POLA2: variants seen among roughly 807,000 people sequenced by gnomAD.
POLA2 encodes DNA polymerase alpha subunit B.
In POLA2, 47 loss-of-function variants were observed where a neutral mutation model predicts 82.8. The observed-to-expected ratio is 0.57, with a 90% confidence interval of 0.45 to 0.72. POLA2 has a LOEUF of 0.72. POLA2 is among the 30% of genes least tolerant of loss of function. The pLI, the probability that POLA2 is intolerant of heterozygous loss-of-function variation, is 0.00. For missense variants in POLA2, 634 were observed against 728.1 expected (o/e 0.87, Z 1.49); for synonymous variants, 287 against 286.8 (o/e 1.00, Z -0.01).
At chr11:65,294,419 G>C (rs1949788205) in intron 14 of POLA2, 127 bp from the exon 15 acceptor site, 13 of 981,482 alleles carry the variant, frequency 1.3e-5, no homozygotes, top group Non-Finnish European at 2.1e-5. Flanking sequence ...GTGTCCAAAA[G>C]CTTGATGTAT....
chr11:65,283,429 T>C, intron 10 of POLA2, among the ~76,000 whole-genome samples: 1 of 152,112 alleles, frequency 6.6e-6, no homozygotes, highest in East Asian at 1.9e-4. Flanking sequence ...TCATAACTTC[T>C]CTACAATTCT....
chr11:65,294,546 C>G lies in POLA2; in HGVS notation c.1354C>G (p.Gln452Glu), dbSNP rs759036403. 1.2e-6 allele frequency: 2 copies of G among 1,607,480 alleles called. No individual in the cohort carries two copies. Among genetic ancestry groups the G allele is most frequent in the Non-Finnish European group, 1.7e-6 (2 of 1,175,188 alleles). Residue 452 changes from glutamine to glutamate, a missense_variant and splice_region_variant, in exon 15 of 18, where the codon CAA becomes GAA. Transcript: ENST00000265465. ...YSDLSREDKK[Q>E]VQFVSEPCSL... ...TTGTTTCAATCCGTTCTCATTTTAG[C>G]AAGTACAGTTTGTGTCCGAGCCCTG...
At chr11:65,292,317 G>T (rs1949763789) in intron 13 of POLA2, among the ~76,000 whole-genome samples, 1 of 152,264 alleles carries the variant, frequency 6.6e-6, no homozygotes. Context: ...TGCGGGAGCA[G>T]CTGGAGGACC....
chr11:65,262,701 C>T (rs1227739761), intron 1 of POLA2, among the ~76,000 whole-genome samples: 6 of 152,204 alleles, frequency 3.9e-5, no homozygotes, highest in African/African-American at 1.4e-4. Context: ...ATTGTTGAAG[C>T]CCCGGTAACA....
intron 1 of POLA2, among the ~76,000 whole-genome samples, chr11:65,265,520 G>T (rs1194158432): frequency 6.6e-6 from 1 of 151,508 alleles, no homozygotes; most frequent in Non-Finnish European, 1.5e-5. Flanking sequence ...TTGCTCTGTT[G>T]CCCAGGCTGG....
At chr11:65,280,453 AC>A (rs1282693804) in intron 7 of POLA2, 1 of 152,820 alleles carries the variant, frequency 6.5e-6, no homozygotes, top group African/African-American at 2.4e-5. Flanking sequence ...CCCAAGCTTC[AC>A]CCACAGTTTG....
At chr11:65,296,092 G>A (rs1474408355) in intron 17 of POLA2, 102 bp downstream of exon 17, 1 of 1,323,256 alleles carries the variant, frequency 7.6e-7, no homozygotes, top group Non-Finnish European at 1.1e-6. Context: ...AGCTGATGGG[G>A]ATGGGGCCTC....
At chr11:65,304,588 C>A (rs1382751743) in intron 8 of POLA2, among the ~76,000 whole-genome samples, 1 of 152,194 alleles carries the variant, frequency 6.6e-6, no homozygotes, top group South Asian at 2.1e-4. Flanking sequence ...GAGTTTCCCA[C>A]GGTATCACAA....
At chr11:65,295,743 A>G (rs557317096) in intron 16 of POLA2, 121 bp from the exon 17 acceptor site, 3 of 1,361,026 alleles carry the variant, frequency 2.2e-6, no homozygotes, top group South Asian at 2.4e-5. Flanking sequence ...TGCCCCACAC[A>G]CACAGAGAAA....
intron 10 of POLA2, among the ~76,000 whole-genome samples, 190 bp downstream of exon 10, chr11:65,282,711 T>C (rs667341): frequency 0.15 from 22,500 of 152,214 alleles, 1,761 homozygotes; most frequent in South Asian, 0.21. Context: ...CCAGTGAGCG[T>C]TGGTCGTGCT....
intron 5 of POLA2, among the ~76,000 whole-genome samples, chr11:65,276,789 A>ATTTTTTTTTTTTT (rs1949584608): frequency 6.9e-6 from 1 of 145,290 alleles, no homozygotes; most frequent in African/African-American, 2.5e-5. Context: ...CAACTCTATC[A>ATTTTTTTTTTTTT]CTTTTTTTTT....
Position 65,281,123 on chromosome 11 carries a change from G to A in POLA2, c.876G>A (p.Lys292=), listed in dbSNP as rs2137543285. 6.2e-7 allele frequency: 1 copy of A among 1,614,152 alleles called. No individual in the cohort carries two copies. Among genetic ancestry groups the A allele is most frequent in the South Asian group, 1.1e-5 (1 of 91,088 alleles). The part of the protein sequence containing the change: ...AQIPVDLSEL[K]EYSLFPGQVV... ...TTCCAGTGGATTTATCTGAGCTTAA[G>A]GAATATTCTCTGTTTCCTGGACAGG... Residue 292 remains lysine (K), a synonymous_variant, in exon 8 of 18, where the codon AAG becomes AAA. Transcript: ENST00000265465.
intron 1 of POLA2, among the ~76,000 whole-genome samples, chr11:65,265,936 T>G (rs533626229): frequency 1.3e-5 from 2 of 152,306 alleles, no homozygotes; most frequent in African/African-American, 4.8e-5. Flanking sequence ...GTCTCATAGC[T>G]TTATATCCCA....
At chr11:65,272,968 G>A (rs1949537708) in intron 4 of POLA2, among the ~76,000 whole-genome samples, 1 of 150,868 alleles carries the variant, frequency 6.6e-6, no homozygotes, top group Admixed American at 6.6e-5. Context: ...CTGAGATCGT[G>A]CCACTGCACT....
intron 11 of POLA2, 123 bp downstream of exon 11, chr11:65,287,963 C>A: frequency 9.6e-7 from 1 of 1,042,038 alleles, no homozygotes; most frequent in Non-Finnish European, 1.4e-6. Flanking sequence ...CATTCTTAAT[C>A]TACATCTTTG....
At chr11:65,266,759 C>A in intron 2 of POLA2, 53 bp downstream of exon 2, 3 of 1,590,550 alleles carry the variant, frequency 1.9e-6, no homozygotes, top group Non-Finnish European at 2.6e-6. Flanking sequence ...TTCTGCTCTA[C>A]AGGGGAGGCA....
At chr11:65,269,829 T>G (rs1160480816) in intron 4 of POLA2, among the ~76,000 whole-genome samples, 6 of 152,056 alleles carry the variant, frequency 3.9e-5, no homozygotes, top group East Asian at 3.9e-4. Flanking sequence ...ATTATTCTTT[T>G]TTGTTGTTGT....
intron 10 of POLA2, 89 bp downstream of exon 10, chr11:65,282,610 C>T (rs1266081387): frequency 8.9e-7 from 1 of 1,125,092 alleles, no homozygotes; most frequent in Non-Finnish European, 1.4e-6. Context: ...AAGAAAGCTG[C>T]AGAAGCTGCT....
rs148938869 is a variant in POLA2, at chr11:65,294,196, C to T, written c.1288C>T (p.His430Tyr). ...LVFVPSLRDV[H>Y]HEPVYPQPPF... ...CTTTGTCCCGTCATTGAGAGATGTG[C>T]ACCATGAGCCTGTGTACCCCCAGCC... Residue 430 changes from histidine to tyrosine, a missense_variant, in exon 14 of 18, where the codon CAC becomes TAC. Transcript: ENST00000265465. 76 of 1,614,140 alleles carry T rather than the reference C, an allele frequency of 4.7e-5. No individual in the cohort carries two copies. In the African/African-American group the frequency reaches 9.6e-4, roughly 20 times the overall value.
Sources: gnomAD v4.1 joint callset for allele counts (sites outside exome capture counted in the v4.1 genomes callset) on GRCh38, gnomAD v4.1.1 for gene constraint, MANE v1.5 for transcripts, NCBI Gene and HGNC (gene_info 2026-07-23, HGNC 2026-07-21) for gene names.